The following ADAMTSL3 variants were observed in gnomAD, a reference collection of about 807,000 sequenced individuals.
The protein encoded by ADAMTSL3 is ADAMTS like 3.
ADAMTSL3 carries 128 observed loss-of-function variants against 201.7 expected under a neutral mutation model. The observed-to-expected ratio is 0.63, with a 90% CI of 0.55 to 0.73. The LOEUF is 0.73. Ranked by LOEUF, ADAMTSL3 falls within the 30% of genes least tolerant of loss-of-function variation. The pLI, the probability that ADAMTSL3 is intolerant of heterozygous loss-of-function variation, is 0.00. For synonymous variants in ADAMTSL3, 738 were observed against 748.4 expected (o/e 0.99, Z 0.23); for missense variants, 1,990 against 2,119.6 (o/e 0.94, Z 1.20).
intron 23 of ADAMTSL3, among the ~76,000 whole-genome samples, chr15:84,002,940 T>TCC (rs60901837): frequency 7.4e-6 from 1 of 134,984 alleles, no homozygotes; most frequent in African/African-American, 2.9e-5. Flanking sequence ...TCTTTTCTTT[T>TCC]TTTTTTTTTT....
Position 83,777,115 on chromosome 15 carries a change from C to T in ADAMTSL3, c.317+3465C>T, listed in dbSNP as rs1437285324. ...AGAAGGCACTCAGACCTGCATCTGC[C>T]AGTGCCCCGCCCCTGAGCCAACACC... On this transcript the variant is annotated intron_variant, in intron 4 of 29. Transcript: ENST00000286744. Among the ~76,000 whole-genome samples the T allele has an allele frequency of 2.6e-5, 4 of 152,184 alleles. No homozygotes were observed. The East Asian group carries it at 7.7e-4, about 29-fold the overall frequency.
chr15:84,005,329 T>G (rs1431020547), intron 23 of ADAMTSL3, among the ~76,000 whole-genome samples: 1 of 152,224 alleles, frequency 6.6e-6, no homozygotes, highest in Non-Finnish European at 1.5e-5. Context: ...ATTACCAGAA[T>G]TGCTGATTAT....
At chr15:83,723,877 CT>C (rs2141583117) in intron 3 of ADAMTSL3, among the ~76,000 whole-genome samples, 1 of 151,776 alleles carries the variant, frequency 6.6e-6, no homozygotes, top group Admixed American at 6.7e-5. Flanking sequence ...TAAAATATTC[CT>C]TCTAAATACT....
At chr15:83,840,826 A>G (rs1371682600) in intron 7 of ADAMTSL3, among the ~76,000 whole-genome samples, 1 of 152,204 alleles carries the variant, frequency 6.6e-6, no homozygotes, top group Non-Finnish European at 1.5e-5. Context: ...TGGAGTTTAT[A>G]AGTCTTTTCT....
At chr15:83,783,465 G>A (rs907058493) in intron 4 of ADAMTSL3, among the ~76,000 whole-genome samples, 1 of 152,034 alleles carries the variant, frequency 6.6e-6, no homozygotes, top group Admixed American at 6.6e-5. Context: ...ACAAAAGATT[G>A]TTAGGCTATA....
At chr15:83,746,068 C>G (rs182676095) in intron 3 of ADAMTSL3, among the ~76,000 whole-genome samples, 100 of 152,284 alleles carry the variant, frequency 6.6e-4, no homozygotes, top group Middle Eastern at 6.8e-3. Flanking sequence ...TCCTTTCCCT[C>G]TGTTCTTTGT....
intron 27 of ADAMTSL3, among the ~76,000 whole-genome samples, chr15:84,026,948 G>A (rs1182004164): frequency 6.6e-6 from 1 of 152,116 alleles, no homozygotes; most frequent in East Asian, 1.9e-4. Flanking sequence ...TTAAAAACTT[G>A]TGCTGCAAAG....
intron 26 of ADAMTSL3, among the ~76,000 whole-genome samples, chr15:84,024,757 T>A (rs983818010): frequency 2.0e-5 from 3 of 152,214 alleles, no homozygotes; most frequent in Admixed American, 6.5e-5. Context: ...AGTCATGTGG[T>A]CATAGCTAAG....
Position 83,865,882 on chromosome 15 carries a change from T to C in ADAMTSL3, c.803-4920T>C, listed in dbSNP as rs551578955. On this transcript the variant is annotated intron_variant, in intron 8 of 29. Coordinates refer to ENST00000286744, the MANE Select transcript of ADAMTSL3 (RefSeq NM_207517.3). ...CTACTCATCTGACAAAGGGCTAATA[T>C]CCAGAATCTACAATGAACTCAAACA... Among the ~76,000 whole-genome samples the C allele has an allele frequency of 2.5e-3, 374 of 152,156 alleles. 2 individuals carry two copies. The highest frequency in any genetic ancestry group is 8.7e-3 in the African/African-American group (362 of 41,512).
chr15:83,699,430 A>G (rs2061736606), intron 2 of ADAMTSL3, among the ~76,000 whole-genome samples: 1 of 152,028 alleles, frequency 6.6e-6, no homozygotes, highest in South Asian at 2.1e-4. Flanking sequence ...TGTTGGTTCT[A>G]CTTCTAATCC....
intron 27 of ADAMTSL3, among the ~76,000 whole-genome samples, chr15:84,025,913 C>T (rs142393309): frequency 6.6e-6 from 1 of 152,236 alleles, no homozygotes; most frequent in East Asian, 1.9e-4. Context: ...TTATTATACT[C>T]CTGAATGGAA....
chr15:83,917,413 G>GTT (rs2066052762), intron 16 of ADAMTSL3, among the ~76,000 whole-genome samples: 1 of 82,188 alleles, frequency 1.2e-5, no homozygotes, highest in African/African-American at 6.5e-5. Flanking sequence ...AGCTTCCAAA[G>GTT]TGTGTGTATG....
chr15:83,879,846 C>T (rs556176308), intron 9 of ADAMTSL3, among the ~76,000 whole-genome samples: 9 of 152,300 alleles, frequency 5.9e-5, no homozygotes, highest in African/African-American at 1.7e-4. Flanking sequence ...ATTGTGCCTT[C>T]TGTATTTTGA....
intron 8 of ADAMTSL3, among the ~76,000 whole-genome samples, chr15:83,859,258 A>G (rs1200169506): frequency 1.3e-5 from 2 of 152,174 alleles, no homozygotes; most frequent in Non-Finnish European, 1.5e-5. Context: ...AGATTCAAAT[A>G]TTTTCTGATT....
At chr15:83,714,793 C>CTTTCTTTCTTTCTTTCTT (rs1315219559) in intron 3 of ADAMTSL3, among the ~76,000 whole-genome samples, 5 of 57,892 alleles carry the variant, frequency 8.6e-5, no homozygotes, top group Admixed American at 2.2e-4. Context: ...CTTTTTCTTT[C>CTTTCTTTCTTTCTTTCTT]TCTCTCTTTC....
At chr15:83,984,117 G>A (rs541697822) in intron 21 of ADAMTSL3, among the ~76,000 whole-genome samples, 7 of 152,104 alleles carry the variant, frequency 4.6e-5, no homozygotes, top group African/African-American at 1.7e-4. Flanking sequence ...ATTTACTTTT[G>A]CATTCTTTAT....
intron 5 of ADAMTSL3, among the ~76,000 whole-genome samples, chr15:83,810,602 C>T (rs2063678335): frequency 6.6e-6 from 1 of 152,250 alleles, no homozygotes; most frequent in Non-Finnish European, 1.5e-5. Context: ...GGCAGGGCTA[C>T]ATCATTCTGG....
chr15:83,912,492 G>T (rs531788244), intron 15 of ADAMTSL3, among the ~76,000 whole-genome samples: 24 of 152,076 alleles, frequency 1.6e-4, no homozygotes, highest in Admixed American at 8.5e-4. Flanking sequence ...TAATAATCCG[G>T]AATAAGAATT....
chr15:83,794,376 C>T (rs2063391077), intron 4 of ADAMTSL3, among the ~76,000 whole-genome samples: 1 of 152,188 alleles, frequency 6.6e-6, no homozygotes, highest in African/African-American at 2.4e-5. Context: ...GCCAGTTTTA[C>T]TCACAGTGGC....
Sources: allele counts gnomAD v4.1 joint callset (sites outside exome capture counted in the v4.1 genomes callset), GRCh38; gene constraint gnomAD v4.1.1; transcripts MANE v1.5; gene names NCBI Gene and HGNC (gene_info 2026-07-23, HGNC 2026-07-21).